SEMA5B: variants seen among roughly 807,000 people sequenced by gnomAD.
SEMA5B encodes semaphorin-5B.
SEMA5B carries 66 observed loss-of-function variants against 135.0 expected under a neutral mutation model. That is an observed-to-expected ratio of 0.49 (90% CI 0.40 to 0.60). SEMA5B has a LOEUF of 0.60. Ranked by LOEUF, SEMA5B falls within the 20% of genes least tolerant of loss-of-function variation. SEMA5B has a pLI of 0.00. For missense variants in SEMA5B, 1,501 were observed against 1,566.3 expected, an observed-to-expected ratio of 0.96 and a Z score of 0.70; for synonymous variants, 690 against 639.5, an observed-to-expected ratio of 1.08 and a Z score of -1.19.
intron 5 of SEMA5B, among the ~76,000 whole-genome samples, chr3:122,935,682 C>CTTTTT (rs1402707939): frequency 5.7e-5 from 4 of 70,724 alleles, no homozygotes; most frequent in Non-Finnish European, 1.1e-4. Context: ...CTTTTTCTTT[C>CTTTTT]TTTCTTTTTT....
rs552352761 is a variant in SEMA5B at position 122,931,171 on chromosome 3, A to G, written c.475-2113T>C. The stretch of plus-strand genomic sequence containing the variant: ...CCTCCCATAGCCCACCCCTTTTCCC[A>G]AGGACAACCACCTTCACCTCTTTTA... On this transcript the variant is annotated intron_variant, in intron 5 of 22. Transcript: ENST00000357599. 1.9e-3 allele frequency among the ~76,000 whole-genome samples: 286 copies of G among 152,300 alleles called. 2 individuals are homozygous for G. Among genetic ancestry groups the G allele is most frequent in the Admixed American group, 6.6e-3 (101 of 15,296 alleles).
At chr3:123,025,738 C>G (rs1942782873) in intron 1 of SEMA5B, among the ~76,000 whole-genome samples, 2 of 152,342 alleles carry the variant, frequency 1.3e-5, no homozygotes. Flanking sequence ...GTGGTCTACC[C>G]CCACGCCCCA....
At chr3:123,004,236 A>G (rs1209809042) in intron 1 of SEMA5B, among the ~76,000 whole-genome samples, 3 of 152,272 alleles carry the variant, frequency 2.0e-5, no homozygotes, top group African/African-American at 7.2e-5. Flanking sequence ...CCAAGCCCAT[A>G]TAAGAAATGC....
intron 1 of SEMA5B, among the ~76,000 whole-genome samples, chr3:122,971,509 G>A (rs554261343): frequency 1.3e-4 from 20 of 152,358 alleles, no homozygotes; most frequent in East Asian, 5.8e-4. Flanking sequence ...GTAATTGATC[G>A]GAAATGTTTT....
intron 1 of SEMA5B, among the ~76,000 whole-genome samples, chr3:123,002,682 A>G (rs1942209421): frequency 1.3e-5 from 2 of 152,248 alleles, no homozygotes; most frequent in Non-Finnish European, 1.5e-5. Context: ...ATTGATCATT[A>G]TAAGTCATTC....
chr3:122,987,420 C>T (rs1941737192), intron 1 of SEMA5B, among the ~76,000 whole-genome samples: 2 of 152,152 alleles, frequency 1.3e-5, no homozygotes, highest in Non-Finnish European at 2.9e-5. Flanking sequence ...GCTATCAGCA[C>T]CCCACTGAGT....
intron 9 of SEMA5B, 56 bp downstream of exon 9, chr3:122,926,336 A>G: frequency 6.6e-6 from 10 of 1,524,566 alleles, no homozygotes; most frequent in Non-Finnish European, 8.0e-6. Flanking sequence ...CCAGGCCATG[A>G]GGCCAGGCCA....
At chr3:122,931,513 T>C (rs1354089502) in intron 5 of SEMA5B, among the ~76,000 whole-genome samples, 1 of 152,226 alleles carries the variant, frequency 6.6e-6, no homozygotes, top group African/African-American at 2.4e-5. Context: ...AATTTTAACG[T>C]ATACATATTG....
At chr3:122,968,859 T>C (rs914945859) in intron 1 of SEMA5B, among the ~76,000 whole-genome samples, 11 of 152,162 alleles carry the variant, frequency 7.2e-5, no homozygotes, top group Non-Finnish European at 1.5e-4. Flanking sequence ...GGGCCATAAG[T>C]CTTGGGGCAG....
intron 1 of SEMA5B, among the ~76,000 whole-genome samples, chr3:122,989,981 C>T (rs917384870): frequency 2.6e-5 from 4 of 152,156 alleles, no homozygotes; most frequent in Admixed American, 6.5e-5. Flanking sequence ...TGTCCAGCCA[C>T]CTCCCTGTCC....
chr3:122,953,790 G>C (rs1471526177), intron 2 of SEMA5B, among the ~76,000 whole-genome samples: 2 of 152,166 alleles, frequency 1.3e-5, no homozygotes, highest in African/African-American at 4.8e-5. Context: ...ATTGGGAGGT[G>C]ACTTCCCAAC....
At chr3:123,001,980 G>A (rs1942186896) in intron 1 of SEMA5B, among the ~76,000 whole-genome samples, 1 of 152,192 alleles carries the variant, frequency 6.6e-6, no homozygotes, top group Non-Finnish European at 1.5e-5. Context: ...CAAAATAAGT[G>A]TTCTCCACAA....
chr3:122,980,118 A>G, intron 1 of SEMA5B, among the ~76,000 whole-genome samples: 1 of 152,212 alleles, frequency 6.6e-6, no homozygotes, highest in East Asian at 1.9e-4. Flanking sequence ...CTCATGACAC[A>G]AAACCCCATC....
intron 1 of SEMA5B, among the ~76,000 whole-genome samples, chr3:122,998,707 C>T (rs1942089708): frequency 6.6e-6 from 1 of 152,132 alleles, no homozygotes; most frequent in Admixed American, 6.5e-5. Context: ...CTTTAGGCCC[C>T]AAGTAGGAGC....
Position 122,913,197 on chromosome 3 carries a change from A to G in SEMA5B, c.2506+2T>C. 1 of 1,557,072 alleles carries G rather than the reference A, an allele frequency of 6.4e-7. No homozygotes were observed. The highest frequency in any genetic ancestry group is 8.6e-7 in the Non-Finnish European group (1 of 1,161,686). ...AAGGAGGGGGCGCCGGGCGCGGGGT[A>G]CCGTCGGTGTCGCAGGAGCCGGAGC... is the stretch of plus-strand genomic sequence containing the variant. On this transcript the variant is annotated splice_donor_variant, in intron 17 of 22. Coordinates refer to ENST00000357599, the MANE Select transcript of SEMA5B (RefSeq NM_001031702.4). LOFTEE classifies it high-confidence loss of function.
intron 5 of SEMA5B, among the ~76,000 whole-genome samples, chr3:122,934,127 G>A (rs1321101682): frequency 2.0e-5 from 3 of 150,514 alleles, no homozygotes; most frequent in Admixed American, 6.7e-5. Context: ...GGCTGGTCTC[G>A]AACTCCTGGT....
At chr3:122,912,449 C>T in intron 18 of SEMA5B, 107 bp from the exon 19 acceptor site, 1 of 1,052,616 alleles carries the variant, frequency 9.5e-7, no homozygotes, top group South Asian at 2.0e-5. Context: ...ACAGTGACCT[C>T]AACATCCACC....
At chr3:122,976,115 A>T (rs1941311754) in intron 1 of SEMA5B, 1 of 1,535,222 alleles carries the variant, frequency 6.5e-7, no homozygotes. Context: ...CTGCTGACAG[A>T]TGCAGCATGT....
At chr3:122,942,513 C>T (rs1018587029) in intron 4 of SEMA5B, among the ~76,000 whole-genome samples, 7 of 152,222 alleles carry the variant, frequency 4.6e-5, no homozygotes, top group African/African-American at 1.4e-4. Flanking sequence ...GACAGACCTG[C>T]AGAGAAACTC....
Sources: gnomAD v4.1 joint callset for allele counts (sites outside exome capture counted in the v4.1 genomes callset) on GRCh38, gnomAD v4.1.1 for gene constraint, MANE v1.5 for transcripts, NCBI Gene and HGNC (gene_info 2026-07-23, HGNC 2026-07-21) for gene names.